Variants in MAGI1 observed in about 807,000 individuals in gnomAD.
The protein encoded by MAGI1 is membrane-associated guanylate kinase, WW and PDZ domain-containing protein 1.
A neutral mutation model predicts 139.9 loss-of-function variants in MAGI1; 58 were observed. The ratio of observed to expected loss-of-function variants is 0.41; its 90% CI spans 0.34 to 0.52. The LOEUF (loss-of-function observed/expected upper bound fraction) is 0.52, where lower values mean the gene tolerates loss of function less well. MAGI1 is among the 20% of genes least tolerant of loss of function. MAGI1 has a pLI of 0.12. For synonymous variants in MAGI1, 812 were observed against 737.9 expected (o/e 1.10, Z -1.63); for missense variants, 1,874 against 1,901.6 (o/e 0.99, Z 0.27).
chr3:65,508,808 G>A (rs1474697587), intron 2 of MAGI1, among the ~76,000 whole-genome samples: 1 of 152,192 alleles, frequency 6.6e-6, no homozygotes, highest in Non-Finnish European at 1.5e-5. Context: ...TGTTTCATGT[G>A]TATTAAGTGA....
At chr3:65,471,307 A>C (rs1398101438) in intron 4 of MAGI1, among the ~76,000 whole-genome samples, 1 of 152,202 alleles carries the variant, frequency 6.6e-6, no homozygotes, top group Non-Finnish European at 1.5e-5. Flanking sequence ...GATGATATTA[A>C]ATGTCAATCT....
At chr3:65,963,328 A>AAAAAAAAAAAAAG (rs2064554651) in intron 1 of MAGI1, among the ~76,000 whole-genome samples, 1 of 148,262 alleles carries the variant, frequency 6.7e-6, no homozygotes, top group South Asian at 2.1e-4. Flanking sequence ...AAAAAAAAAA[A>AAAAAAAAAAAAAG]GTAGCTCGGC....
At chr3:65,618,765 T>C (rs1273952935) in intron 2 of MAGI1, among the ~76,000 whole-genome samples, 2 of 152,164 alleles carry the variant, frequency 1.3e-5, no homozygotes, top group African/African-American at 2.4e-5. Flanking sequence ...GATTGCTATG[T>C]GTATCTGATA....
At chr3:65,840,786 G>A (rs892728669) in intron 1 of MAGI1, among the ~76,000 whole-genome samples, 1 of 151,986 alleles carries the variant, frequency 6.6e-6, no homozygotes, top group Non-Finnish European at 1.5e-5. Flanking sequence ...TTTGATATCG[G>A]GATAAAACTA....
chr3:65,631,244 T>C (rs2084285730), intron 1 of MAGI1, among the ~76,000 whole-genome samples: 1 of 152,198 alleles, frequency 6.6e-6, no homozygotes, highest in Admixed American at 6.5e-5. Flanking sequence ...CAAAAAGGAA[T>C]CCAATGTTTG....
At chr3:65,900,195 C>T (rs574841114) in intron 1 of MAGI1, among the ~76,000 whole-genome samples, 8 of 152,252 alleles carry the variant, frequency 5.3e-5, no homozygotes, top group South Asian at 4.2e-4. Context: ...CAAGGACACA[C>T]GCAACATCGT....
intron 2 of MAGI1, among the ~76,000 whole-genome samples, chr3:65,588,265 G>C (rs2081790964): frequency 6.6e-6 from 1 of 152,162 alleles, no homozygotes; most frequent in Non-Finnish European, 1.5e-5. Context: ...AATAGAGATA[G>C]CAGCATGTTA....
rs2040132678 is a variant in MAGI1 at position 65,796,134 on chromosome 3, A to T, written c.314-174046T>A. 3.9e-5 allele frequency among the ~76,000 whole-genome samples: 6 copies of T among 152,090 alleles called. No individual in the cohort carries two copies. In the South Asian group the frequency reaches 1.0e-3, roughly 26 times the overall value. Reference sequence around the variant, plus strand: ...GAGGATGGCGAGTCCAAAATTGCAGAGCTGGCACAGGCCGGGGTCCCAGGG... The same window carrying T: ...GAGGATGGCGAGTCCAAAATTGCAGTGCTGGCACAGGCCGGGGTCCCAGGG... On this transcript the variant is annotated intron_variant, in intron 1 of 22. Transcript: ENST00000402939.
chr3:66,037,045 T>TCC (rs541135004), intron 1 of MAGI1, among the ~76,000 whole-genome samples: 1 of 152,054 alleles, frequency 6.6e-6, no homozygotes, highest in African/African-American at 2.4e-5. Context: ...GGTAGGGTCA[T>TCC]CCCCCCACTC....
chr3:65,801,234 G>T (rs1007865597), intron 1 of MAGI1, among the ~76,000 whole-genome samples: 1 of 152,170 alleles, frequency 6.6e-6, no homozygotes, highest in Non-Finnish European at 1.5e-5. Context: ...AACAGCATGG[G>T]TTTAGCTTCA....
intron 1 of MAGI1, among the ~76,000 whole-genome samples, chr3:65,638,594 CTGATTTTTTTT>C (rs1438261975): frequency 9.5e-6 from 1 of 104,788 alleles, no homozygotes; most frequent in Middle Eastern, 6.3e-3. Flanking sequence ...CCATGCTCTC[CTGATTTTTTTT>C]TTTTTTTTTT....
At chr3:65,519,224 A>G (rs910693158) in intron 2 of MAGI1, among the ~76,000 whole-genome samples, 1 of 151,990 alleles carries the variant, frequency 6.6e-6, no homozygotes, top group Admixed American at 6.6e-5. Flanking sequence ...GATCAGAGAG[A>G]CAATGAGGAC....
At chr3:65,482,934 G>A (rs753107140) in intron 3 of MAGI1, among the ~76,000 whole-genome samples, 9 of 152,136 alleles carry the variant, frequency 5.9e-5, no homozygotes, top group Non-Finnish European at 1.2e-4. Context: ...CTAAATCAAG[G>A]ATTTCTGCAG....
chr3:65,841,243 T>G (rs1193889876), intron 1 of MAGI1, among the ~76,000 whole-genome samples: 1 of 152,084 alleles, frequency 6.6e-6, no homozygotes, highest in Non-Finnish European at 1.5e-5. Flanking sequence ...TTTGTTTCAC[T>G]GATTTTCTCT....
intron 1 of MAGI1, among the ~76,000 whole-genome samples, chr3:66,020,121 T>A (rs1484407984): frequency 2.6e-5 from 4 of 152,204 alleles, no homozygotes. Flanking sequence ...TATCACCCGT[T>A]TGCCCCTGTT....
intron 1 of MAGI1, among the ~76,000 whole-genome samples, chr3:65,769,237 T>C (rs2037751229): frequency 6.6e-6 from 1 of 152,212 alleles, no homozygotes; most frequent in Non-Finnish European, 1.5e-5. Context: ...AATCCTCATA[T>C]ATGCATATAA....
intron 1 of MAGI1, among the ~76,000 whole-genome samples, chr3:65,738,981 C>A (rs2035024903): frequency 6.6e-6 from 1 of 152,190 alleles, no homozygotes. Flanking sequence ...TACCACCTAA[C>A]AAGAGACTGA....
At chr3:66,018,084 G>A (rs2067749949) in intron 1 of MAGI1, among the ~76,000 whole-genome samples, 1 of 133,736 alleles carries the variant, frequency 7.5e-6, no homozygotes, top group Non-Finnish European at 1.6e-5. Flanking sequence ...CACACAACCA[G>A]GAGACAAAGA....
intron 12 of MAGI1, among the ~76,000 whole-genome samples, chr3:65,415,007 AAAAAAAAAAAAAC>A (rs1441783917): frequency 2.7e-4 from 17 of 62,616 alleles, no homozygotes; most frequent in African/African-American, 3.8e-4. Flanking sequence ...CCAGCCTGGG[AAAAAAAAAAAAAC>A]AAAAAAAAAA....
Sources: gnomAD v4.1 joint callset for allele counts (sites outside exome capture counted in the v4.1 genomes callset) on GRCh38, gnomAD v4.1.1 for gene constraint, MANE v1.5 for transcripts, NCBI Gene and HGNC (gene_info 2026-07-23, HGNC 2026-07-21) for gene names.